The following CDH13 variants were observed in gnomAD, a reference collection of about 807,000 sequenced individuals.
The protein encoded by CDH13 is cadherin-13.
Under a neutral mutation model 63.8 loss-of-function variants are expected in CDH13, and 24 were observed. The observed-to-expected ratio is 0.38, with a 90% CI of 0.27 to 0.53. The LOEUF (loss-of-function observed/expected upper bound fraction) is 0.53, where lower values mean the gene tolerates loss of function less well. Among genes scored for constraint, CDH13 ranks in the 20% least tolerant of loss-of-function variants. The probability of loss-of-function intolerance (pLI) is 0.85; values close to 1 mark genes in which losing one functional copy is unlikely to be tolerated. For synonymous variants in CDH13, 503 were observed against 355.3 expected, an observed-to-expected ratio of 1.42 and a Z score of -4.67; for missense variants, 1,049 against 903.1, an observed-to-expected ratio of 1.16 and a Z score of -2.07.
At chr16:83,487,635 C>T (rs1232348869) in intron 7 of CDH13, among the ~76,000 whole-genome samples, 1 of 152,194 alleles carries the variant, frequency 6.6e-6, no homozygotes, top group Non-Finnish European at 1.5e-5. Context: ...CTTCACTCTC[C>T]ATCCACCCTA....
In CDH13 at chr16:83,509,271, T is replaced by C. The variant is rs78890661; in HGVS notation, c.960+22616T>C. ...GCAGGATGATATGTGGAACATGCCATGGCCAGGGAAGTAACTTTGTCTCAA... is the reference window on the plus strand; with the variant it reads ...GCAGGATGATATGTGGAACATGCCACGGCCAGGGAAGTAACTTTGTCTCAA... On this transcript the variant is annotated intron_variant, in intron 7 of 13. Coordinates refer to ENST00000567109, the MANE Select transcript of CDH13 (RefSeq NM_001257.5). 2.0e-3 allele frequency among the ~76,000 whole-genome samples: 301 copies of C among 152,296 alleles called. 2 individuals carry two copies. In the East Asian group the frequency reaches 0.032, roughly 16 times the overall value.
intron 1 of CDH13, among the ~76,000 whole-genome samples, chr16:82,819,435 T>A (rs923468015): frequency 2.2e-4 from 34 of 152,220 alleles, no homozygotes; most frequent in Admixed American, 1.7e-3. Context: ...TCCTCCCCCT[T>A]TTGTTATACA....
chr16:83,662,025 C>A (rs1351418955), intron 8 of CDH13, among the ~76,000 whole-genome samples: 1 of 152,128 alleles, frequency 6.6e-6, no homozygotes, highest in African/African-American at 2.4e-5. Context: ...CCCAGGATCA[C>A]CCTGGGTGGG....
intron 6 of CDH13, among the ~76,000 whole-genome samples, chr16:83,447,476 T>A (rs964622715): frequency 7.2e-5 from 11 of 152,162 alleles, no homozygotes; most frequent in Non-Finnish European, 1.0e-4. Context: ...GGATCAGGAC[T>A]GTGGAAAGCC....
rs199748750 is a variant in CDH13 at position 83,745,849 on chromosome 16, G to GGTT, written c.1539-2258_1539-2257insTTG. On this transcript the variant is annotated intron_variant, in intron 10 of 13. Transcript: ENST00000567109. The stretch of plus-strand genomic sequence containing the variant: ...GATTCAACTTAACTCTATCCTCAGA[G>GGTT]GCCACCTTTTCTCAGAATTCGTATC... Among the ~76,000 whole-genome samples, 965 of 152,258 alleles carry GGTT rather than the reference G, an allele frequency of 6.3e-3. 9 individuals are homozygous for GGTT. Among genetic ancestry groups the GGTT allele is most frequent in the African/African-American group, 0.022 (927 of 41,532 alleles).
chr16:83,572,175 GGTGTGT>G (rs71148844), intron 7 of CDH13, among the ~76,000 whole-genome samples: 2,327 of 145,662 alleles, frequency 0.016, 54 homozygotes, highest in African/African-American at 0.044. Flanking sequence ...ACTTTCCTGT[GGTGTGT>G]GTGTGTGTGT....
intron 3 of CDH13, among the ~76,000 whole-genome samples, chr16:83,108,097 A>G (rs1409104333): frequency 6.6e-6 from 1 of 152,174 alleles, no homozygotes; most frequent in Non-Finnish European, 1.5e-5. Flanking sequence ...CTGGGATTAC[A>G]GACATGAGCC....
intron 1 of CDH13, among the ~76,000 whole-genome samples, chr16:82,797,327 G>A (rs1163759308): frequency 6.6e-6 from 1 of 152,152 alleles, no homozygotes; most frequent in Non-Finnish European, 1.5e-5. Context: ...TAAATACAGA[G>A]CAAGTACTAC....
At chr16:82,797,956 G>A (rs1235985190) in intron 1 of CDH13, among the ~76,000 whole-genome samples, 3 of 152,138 alleles carry the variant, frequency 2.0e-5, no homozygotes, top group African/African-American at 7.2e-5. Flanking sequence ...GTTCATGTGT[G>A]TAGTGGTCTC....
At chr16:82,921,841 T>A (rs1717975812) in intron 2 of CDH13, among the ~76,000 whole-genome samples, 1 of 152,198 alleles carries the variant, frequency 6.6e-6, no homozygotes, top group South Asian at 2.1e-4. Context: ...CCTCTTTAAA[T>A]GCTTGATAAA....
intron 5 of CDH13, among the ~76,000 whole-genome samples, chr16:83,323,177 T>TTCTTC (rs2090273472): frequency 1.4e-5 from 1 of 73,604 alleles, no homozygotes; most frequent in Non-Finnish European, 2.8e-5. Flanking sequence ...CTTTCTTTTT[T>TTCTTC]CTTTCTTTCT....
Position 82,858,521 on chromosome 16 carries a change from A to G in CDH13, c.157+48A>G, listed in dbSNP as rs558644729. ...GCTTTTAGACTCTTCTCATATTTGA[A>G]TTTACTAATGTTTATGACTGTGTCT... On this transcript the variant is annotated intron_variant, in intron 2 of 13. Transcript: ENST00000567109. The G allele has an allele frequency of 5.2e-5, 58 of 1,107,664 alleles. 2 individuals carry two copies. In the South Asian group the frequency reaches 6.8e-4, roughly 13 times the overall value. 68.6% of individuals were successfully genotyped at this position (1,107,664 alleles called of 1,614,324 possible).
chr16:82,901,131 A>G (rs1426587788), intron 2 of CDH13, among the ~76,000 whole-genome samples: 4 of 151,236 alleles, frequency 2.6e-5, no homozygotes. Context: ...ATCTCCTGGA[A>G]TCTGTTTAGG....
intron 1 of CDH13, among the ~76,000 whole-genome samples, chr16:82,845,836 G>A (rs2039234976): frequency 6.6e-6 from 1 of 152,194 alleles, no homozygotes; most frequent in Non-Finnish European, 1.5e-5. Flanking sequence ...TCTCCTAAGG[G>A]CCAGCCAGCA....
intron 2 of CDH13, among the ~76,000 whole-genome samples, chr16:82,957,460 G>T (rs189843605): frequency 6.6e-6 from 1 of 152,288 alleles, no homozygotes; most frequent in East Asian, 1.9e-4. Context: ...GTTCAAGATA[G>T]ATAAAGGCCA....
intron 7 of CDH13, among the ~76,000 whole-genome samples, chr16:83,585,292 C>A (rs1598331228): frequency 6.6e-6 from 1 of 152,214 alleles, no homozygotes; most frequent in Middle Eastern, 3.4e-3. Flanking sequence ...CAGGATATGG[C>A]AAAGTAAGAC....
At chr16:82,976,437 T>G (rs1909517643) in intron 2 of CDH13, among the ~76,000 whole-genome samples, 1 of 152,220 alleles carries the variant, frequency 6.6e-6, no homozygotes, top group African/African-American at 2.4e-5. Context: ...CTCCAGGCGC[T>G]TTTCCAGTTA....
chr16:83,224,482 C>G (rs1184943025), intron 5 of CDH13, among the ~76,000 whole-genome samples: 1 of 152,324 alleles, frequency 6.6e-6, no homozygotes, highest in Admixed American at 6.5e-5. Context: ...GTTCTCAAAC[C>G]TGTGATCTTC....
At chr16:83,515,458 C>T (rs746152056) in intron 7 of CDH13, among the ~76,000 whole-genome samples, 20 of 152,182 alleles carry the variant, frequency 1.3e-4, no homozygotes, top group Admixed American at 4.6e-4. Context: ...CAGTCTTTTC[C>T]GTGACACAAT....
Sources: gnomAD v4.1 joint callset for allele counts (sites outside exome capture counted in the v4.1 genomes callset) on GRCh38, gnomAD v4.1.1 for gene constraint, MANE v1.5 for transcripts, NCBI Gene and HGNC (gene_info 2026-07-23, HGNC 2026-07-21) for gene names.